Variants in ZSCAN25 observed in about 807,000 individuals in gnomAD.
The protein encoded by ZSCAN25 is zinc finger and SCAN domain-containing protein 25.
In ZSCAN25, 27 loss-of-function variants were observed where a neutral mutation model predicts 38.7. That is an observed-to-expected ratio of 0.70 (90% CI 0.51 to 0.96). The LOEUF is 0.96. Among genes scored for constraint, ZSCAN25 ranks in the 40% least tolerant of loss-of-function variants. The probability of loss-of-function intolerance (pLI) is 0.00; values close to 1 mark genes in which losing one functional copy is unlikely to be tolerated. For missense variants in ZSCAN25, 637 were observed against 705.9 expected (o/e 0.90, Z 1.11); for synonymous variants, 273 against 277.7 (o/e 0.98, Z 0.17).
the ZSCAN25 span, chr7:99,684,942 T>G: frequency 2.3e-6 from 1 of 438,576 alleles, no homozygotes. Flanking sequence ...TTTGGTCACT[T>G]CCTTTATATT....
At chr7:99,648,033 A>C in the ZSCAN25 span, 1 of 985,440 alleles carries the variant, frequency 1.0e-6, no homozygotes, top group Non-Finnish European at 1.2e-6. Flanking sequence ...TGATAATGCT[A>C]ACTAGAGGTG....
the ZSCAN25 span, among the ~76,000 whole-genome samples, chr7:99,669,891 C>A: frequency 1.1e-4 from 17 of 152,114 alleles, no homozygotes; most frequent in Admixed American, 1.0e-3. Context: ...GGGACTTGTA[C>A]AATTAATAGA....
At chr7:99,638,536 A>T in the ZSCAN25 span, 1 of 1,513,426 alleles carries the variant, frequency 6.6e-7, no homozygotes, top group South Asian at 1.1e-5. Context: ...GTCCCAGTGT[A>T]GTTATGCCGC....
chr7:99,713,595 C>T, the ZSCAN25 span: 1 of 1,609,664 alleles, frequency 6.2e-7, no homozygotes, highest in South Asian at 1.1e-5. Context: ...AGAAGTTAAT[C>T]AGAAGTGCAG....
the ZSCAN25 span, among the ~76,000 whole-genome samples, chr7:99,728,781 C>T: frequency 6.6e-6 from 1 of 152,196 alleles, no homozygotes; most frequent in Non-Finnish European, 1.5e-5. Flanking sequence ...TCTGCTTCCA[C>T]TATTGCCCTT....
At chr7:99,658,346 A>G in the ZSCAN25 span, among the ~76,000 whole-genome samples, 1 of 152,196 alleles carries the variant, frequency 6.6e-6, no homozygotes, top group Non-Finnish European at 1.5e-5. Context: ...TATGAAGCTT[A>G]GTTTGGCTGG....
the ZSCAN25 span, among the ~76,000 whole-genome samples, chr7:99,706,941 G>C: frequency 6.6e-6 from 1 of 152,194 alleles, no homozygotes; most frequent in Admixed American, 6.5e-5. Flanking sequence ...CTTAGATAAA[G>C]AGAAAATATA....
At chr7:99,719,787 C>T in the ZSCAN25 span, among the ~76,000 whole-genome samples, 4 of 152,118 alleles carry the variant, frequency 2.6e-5, no homozygotes, top group Non-Finnish European at 4.4e-5. Context: ...TAGAACTACC[C>T]ACACACTCAA....
At chr7:99,649,946 A>T in the ZSCAN25 span, 2 of 1,203,168 alleles carry the variant, frequency 1.7e-6, no homozygotes, top group African/African-American at 3.1e-5. Context: ...ATGATCAAAG[A>T]TGGATCCAAG....
the ZSCAN25 span, among the ~76,000 whole-genome samples, chr7:99,675,033 C>T: frequency 1.2e-4 from 19 of 152,230 alleles, no homozygotes; most frequent in African/African-American, 3.9e-4. Flanking sequence ...CTCTCTAGAA[C>T]TCTAGCAGAA....
chr7:99,700,263 C>T, the ZSCAN25 span, among the ~76,000 whole-genome samples: 71 of 152,324 alleles, frequency 4.7e-4, no homozygotes, highest in African/African-American at 1.5e-3. Context: ...TATGGGGAAT[C>T]ATAAACAACT....
intron 4 of ZSCAN25, chr7:99,621,138 G>C (rs1007119225): frequency 2.2e-5 from 8 of 359,072 alleles, no homozygotes; most frequent in Admixed American, 4.7e-5. Context: ...AGGTAGAGGG[G>C]ACCCTTGTCA....
the ZSCAN25 span, among the ~76,000 whole-genome samples, chr7:99,656,639 T>C: frequency 6.6e-6 from 1 of 152,236 alleles, no homozygotes; most frequent in African/African-American, 2.4e-5. Flanking sequence ...TTGATTGGAA[T>C]AGTTTCAGAA....
At chr7:99,728,218 C>A in the ZSCAN25 span, among the ~76,000 whole-genome samples, 1 of 152,210 alleles carries the variant, frequency 6.6e-6, no homozygotes, top group African/African-American at 2.4e-5. Context: ...GTTGTCATTT[C>A]ATGACCTCTT....
chr7:99,722,693 G>A, the ZSCAN25 span, among the ~76,000 whole-genome samples: 4 of 152,188 alleles, frequency 2.6e-5, no homozygotes, highest in Non-Finnish European at 5.9e-5. Context: ...AGGGGCATGT[G>A]GAGAAACTGA....
Position 99,629,893 on chromosome 7 carries a change from G to C in ZSCAN25, c.1508G>C (p.Arg503Pro). The C allele has an allele frequency of 6.2e-7, 1 of 1,614,188 alleles. No homozygotes were observed. Among genetic ancestry groups the C allele is most frequent in the East Asian group, 2.2e-5 (1 of 44,882 alleles). The change falls in exon 8 of 8, where the codon CGA becomes CCA. Residue 503 changes from arginine to proline, a missense_variant. Transcript: ENST00000394152. This position sits in a 1 kb window ranked among gnomAD's most constrained non-coding sequence, Gnocchi z 5.6. ...KRFSKGERLV[R>P]HQRIHTGEKP... ...TTCAGCAAAGGGGAGCGGCTGGTCCGACACCAGAGAATCCATACAGGGGAG... is the reference window on the plus strand; with the variant it reads ...TTCAGCAAAGGGGAGCGGCTGGTCCCACACCAGAGAATCCATACAGGGGAG...
chr7:99,664,449 G>A, the ZSCAN25 span, among the ~76,000 whole-genome samples: 3 of 152,286 alleles, frequency 2.0e-5, no homozygotes, highest in East Asian at 1.9e-4. Flanking sequence ...TTCAGGAAAT[G>A]ATAGTCAAGA....
the ZSCAN25 span, chr7:99,672,544 C>A: frequency 6.6e-7 from 1 of 1,521,378 alleles, no homozygotes; most frequent in South Asian, 1.1e-5. Flanking sequence ...ATCAGTGGAT[C>A]AATCATTATT....
chr7:99,725,751 C>T, the ZSCAN25 span, among the ~76,000 whole-genome samples: 3 of 152,166 alleles, frequency 2.0e-5, no homozygotes, highest in African/African-American at 4.8e-5. Flanking sequence ...TGATGCTACC[C>T]GATCACCTCG....
Sources: gnomAD v4.1 joint callset for allele counts (sites outside exome capture counted in the v4.1 genomes callset) on GRCh38, gnomAD v4.1.1 for gene constraint, Gnocchi (gnomAD v3.1) non-coding constraint, MANE v1.5 for transcripts, NCBI Gene and HGNC (gene_info 2026-07-23, HGNC 2026-07-21) for gene names.